Variants in CYB5RL observed in about 807,000 individuals in gnomAD.
The protein encoded by CYB5RL is cytochrome b5 reductase like.
CYB5RL carries 38 observed loss-of-function variants against 37.5 expected under a neutral mutation model. The ratio of observed to expected loss-of-function variants is 1.01; its 90% CI spans 0.78 to 1.33. The LOEUF is 1.33. Among genes scored for constraint, CYB5RL ranks in the 40% most tolerant of loss-of-function variants. CYB5RL has a pLI of 0.00. For missense variants in CYB5RL, 388 were observed against 394.4 expected (o/e 0.98, Z 0.14); for synonymous variants, 141 against 151.9 (o/e 0.93, Z 0.53).
At chr1:54,191,769 C>A (rs991849056) in intron 3 of CYB5RL, among the ~76,000 whole-genome samples, 9 of 152,182 alleles carry the variant, frequency 5.9e-5, no homozygotes, top group Admixed American at 1.3e-4. Flanking sequence ...CCACTGTGCC[C>A]CTTCCCACAC....
At chr1:54,199,897 A>G (rs904166543) in intron 1 of CYB5RL, 79 bp downstream of exon 1, 10 of 267,814 alleles carry the variant, frequency 3.7e-5, no homozygotes, top group South Asian at 2.0e-4. Context: ...CCAAGCTCCA[A>G]CTGCTCATAA....
At chr1:54,187,187 G>C (rs1643908372) in intron 5 of CYB5RL, among the ~76,000 whole-genome samples, 1 of 151,986 alleles carries the variant, frequency 6.6e-6, no homozygotes, top group African/African-American at 2.4e-5. Context: ...TCTCATATCT[G>C]CCAATTCCTC....
At chr1:54,196,673 T>G (rs7525757) in intron 1 of CYB5RL, among the ~76,000 whole-genome samples, 182 bp from the exon 2 acceptor site, 48,269 of 152,042 alleles carry the variant, frequency 0.32, 8,123 homozygotes, top group South Asian at 0.45. Flanking sequence ...TGATAATTAT[T>G]TCCTTTTTCC....
In CYB5RL at chr1:54,174,425, G is replaced by T; in HGVS notation, c.*194C>A. The T allele has an allele frequency of 3.2e-6, 2 of 634,904 alleles. No individual in the cohort carries two copies. The highest frequency in any genetic ancestry group is 2.7e-6 in the Non-Finnish European group (1 of 368,046). 39.3% of individuals were successfully genotyped at this position (634,904 alleles called of 1,614,324 possible). On this transcript the variant is annotated 3_prime_UTR_variant, in exon 8 of 8. Transcript: ENST00000534324. ...CCATCCTCCTTCTACATAGTAGGAG[G>T]CCAGGAGGAGTGATTAACCTCATGG...
rs1231888439 is a variant in CYB5RL, at chr1:54,174,377, C to T, written c.*242G>A. 9.5e-6 allele frequency: 5 copies of T among 525,686 alleles called. No homozygotes were observed. The highest frequency in any genetic ancestry group is 1.7e-5 in the Non-Finnish European group (5 of 291,980). The allele number at this position is 525,686 out of a possible 1,614,324, so 32.6% of individuals were successfully genotyped here. ...CTCCCTGACTCCCAGGCTGGTTGCT[C>T]ACCTCCTCAGGGCCCCTACAGCCCA... On this transcript the variant is annotated 3_prime_UTR_variant, in exon 8 of 8. Transcript: ENST00000534324.
chr1:54,179,776 C>A (rs1039023498), intron 6 of CYB5RL, among the ~76,000 whole-genome samples: 1 of 152,198 alleles, frequency 6.6e-6, no homozygotes, highest in Non-Finnish European at 1.5e-5. Context: ...CAAAGCCTTG[C>A]CCACTCCCAA....
Position 54,179,191 on chromosome 1 carries a change from C to CTGCTCTTGGAGGAAGGTTTTCAGGTAGA in CYB5RL, c.674_701dup (p.Gln234HisfsTer50), listed in dbSNP as rs1338032493. The CTGCTCTTGGAGGAAGGTTTTCAGGTAGA allele has an allele frequency of 1.2e-6, 2 of 1,613,744 alleles. No homozygotes were observed. The highest frequency in any genetic ancestry group is 4.5e-5 in the East Asian group (2 of 44,884). On this transcript the variant is annotated frameshift_variant, in exon 7 of 8. Coordinates refer to ENST00000534324, the MANE Select transcript of CYB5RL (RefSeq NM_001031672.4). LOFTEE classifies it high-confidence loss of function. ...AGGTACGGACATTCCAGAAACGGGCCTGCTCTTGGAGGAAGGTTTTCAGGT... is the reference window on the plus strand; with the variant it reads ...AGGTACGGACATTCCAGAAACGGGCCTGCTCTTGGAGGAAGGTTTTCAGGTAGATGCTCTTGGAGGAAGGTTTTCAGGT...
At chr1:54,196,079 C>T (rs1403534445) in intron 2 of CYB5RL, among the ~76,000 whole-genome samples, 3 of 152,222 alleles carry the variant, frequency 2.0e-5, no homozygotes, top group Non-Finnish European at 4.4e-5. Context: ...GAAGAAAGGA[C>T]ATAACAATCA....
At chr1:54,198,551 C>A (rs1644037259) in intron 1 of CYB5RL, among the ~76,000 whole-genome samples, 1 of 150,404 alleles carries the variant, frequency 6.6e-6, no homozygotes, top group African/African-American at 2.4e-5. Context: ...CCAGGATGGT[C>A]TGATCTCCTG....
chr1:54,192,859 A>T (rs1160519162), intron 3 of CYB5RL, among the ~76,000 whole-genome samples: 1 of 151,982 alleles, frequency 6.6e-6, no homozygotes, highest in African/African-American at 2.4e-5. Context: ...GGTTCAAACA[A>T]TTCTCATGCC....
At chr1:54,179,410 C>T in intron 6 of CYB5RL, 58 bp from the exon 7 acceptor site, 1 of 1,538,054 alleles carries the variant, frequency 6.5e-7, no homozygotes, top group Non-Finnish European at 8.8e-7. Context: ...ACCTTATCCC[C>T]TCTACTATGG....
chr1:54,176,976 G>A (rs768964458), intron 7 of CYB5RL, among the ~76,000 whole-genome samples: 5 of 152,186 alleles, frequency 3.3e-5, no homozygotes, highest in Non-Finnish European at 5.9e-5. Context: ...GCAGAATGGC[G>A]TGAGCAAAGG....
Position 54,179,170 on chromosome 1 carries a change from A to G in CYB5RL, c.723T>C (p.Arg241=). The G allele has an allele frequency of 6.2e-7, 1 of 1,613,198 alleles. No individual in the cohort carries two copies. Among genetic ancestry groups the G allele is most frequent in the South Asian group, 1.1e-5 (1 of 90,666 alleles). Reference sequence around the variant, plus strand: ...TCACCTGGCTGAGTACAAAGAAGGTACGGACATTCCAGAAACGGGCCTGCT... The same window carrying G: ...TCACCTGGCTGAGTACAAAGAAGGTGCGGACATTCCAGAAACGGGCCTGCT... The part of the protein sequence containing the change: ...LQEQARFWNV[R]TFFVLSQESS... The change falls in exon 7 of 8, where the codon CGT becomes CGC. Residue 241 remains arginine, a synonymous_variant. Transcript: ENST00000534324.
intron 7 of CYB5RL, among the ~76,000 whole-genome samples, chr1:54,178,044 G>A (rs760839185): frequency 6.6e-6 from 1 of 152,168 alleles, no homozygotes; most frequent in Non-Finnish European, 1.5e-5. Flanking sequence ...TGGGCTGCAC[G>A]CTAGCCTTTG....
chr1:54,174,861 C>T (rs773619975), intron 7 of CYB5RL, 39 bp from the exon 8 acceptor site: 8 of 1,593,690 alleles, frequency 5.0e-6, no homozygotes, highest in East Asian at 2.2e-5. Context: ...TACAAGGGAG[C>T]GGGGGGTCCT....
Position 54,179,408 on chromosome 1 carries a change from C to T in CYB5RL, c.541-56G>A, listed in dbSNP as rs1006040489. The T allele has an allele frequency of 1.3e-5, 20 of 1,544,604 alleles. No individual in the cohort carries two copies. In the African/African-American group the frequency reaches 2.2e-4, roughly 17 times the overall value. ...TGGGTTGGGAGAGTCTCACCTTATC[C>T]CCTCTACTATGGGACTTTTCCTTGA... On this transcript the variant is annotated intron_variant, in intron 6 of 7. Coordinates refer to ENST00000534324, the MANE Select transcript of CYB5RL (RefSeq NM_001031672.4).
At chr1:54,194,634 T>G (rs1643989553) in intron 3 of CYB5RL, among the ~76,000 whole-genome samples, 1 of 151,818 alleles carries the variant, frequency 6.6e-6, no homozygotes, top group Non-Finnish European at 1.5e-5. Context: ...CATAGCAAGA[T>G]TCCATCTCTA....
Position 54,197,228 on chromosome 1 carries a change from C to T in CYB5RL, c.-222-737G>A, listed in dbSNP as rs1270252575. ...CAGGTGCAGGTGAAGGCCTGCCTGG[C>T]TTCACTCCCTCCTGTGAGCACTCCA... On this transcript the variant is annotated intron_variant, in intron 1 of 7. Transcript: ENST00000534324. Among the ~76,000 whole-genome samples the T allele has an allele frequency of 5.9e-5, 9 of 152,052 alleles. No individual in the cohort carries two copies. The East Asian group carries it at 1.2e-3, about 20-fold the overall frequency.
intron 2 of CYB5RL, among the ~76,000 whole-genome samples, chr1:54,196,089 A>C (rs900312985): frequency 2.0e-5 from 3 of 152,260 alleles, no homozygotes; most frequent in Non-Finnish European, 4.4e-5. Context: ...CATAACAATC[A>C]GAGCTGGTAA....
Sources: allele counts gnomAD v4.1 joint callset (sites outside exome capture counted in the v4.1 genomes callset), GRCh38; gene constraint gnomAD v4.1.1; transcripts MANE v1.5; gene names NCBI Gene and HGNC (gene_info 2026-07-23, HGNC 2026-07-21).